XIRP2: variants seen among roughly 807,000 people sequenced by gnomAD.
The protein encoded by XIRP2 is xin actin binding repeat containing 2.
XIRP2 carries 236 observed loss-of-function variants against 277.0 expected under a neutral mutation model. That is an observed-to-expected ratio of 0.85 (90% CI 0.77 to 0.95). The LOEUF (loss-of-function observed/expected upper bound fraction) is 0.95. Among genes scored for constraint, XIRP2 ranks in the 40% least tolerant of loss-of-function variants. XIRP2 has a pLI of 0.00. For synonymous variants in XIRP2, 1,490 were observed against 1,416.5 expected (o/e 1.05, Z -1.17); for missense variants, 4,640 against 4,157.5 (o/e 1.12, Z -3.19).
intron 10 of XIRP2, among the ~76,000 whole-genome samples, chr2:167,256,297 C>A (rs920151647): frequency 1.3e-5 from 2 of 151,376 alleles, no homozygotes; most frequent in African/African-American, 4.8e-5. Context: ...CTCTCAAATT[C>A]TTTTCATATT....
At chr2:167,065,996 G>A (rs1689294103) in intron 2 of XIRP2, among the ~76,000 whole-genome samples, 1 of 151,772 alleles carries the variant, frequency 6.6e-6, no homozygotes, top group South Asian at 2.1e-4. Context: ...GATGAGTTTG[G>A]AAACCATGAA....
chr2:167,155,060 T>C (rs1692142952), intron 3 of XIRP2, among the ~76,000 whole-genome samples: 1 of 151,582 alleles, frequency 6.6e-6, no homozygotes. Context: ...AAGTTGAATC[T>C]CTGAATAGAC....
In XIRP2 at chr2:167,247,393, A is replaced by G. The variant is rs759506225; in HGVS notation, c.6001A>G (p.Met2001Val). Residue 2001 changes from methionine to valine, a missense_variant, in exon 9 of 11, where the codon ATG becomes GTG. Transcript: ENST00000409195. ...QGGADTLSQT[M>V]GKSCHGNLVE... Reference sequence around the variant, plus strand: ...GGGAGCAGATACTCTCAGTCAAACTATGGGGAAATCTTGCCATGGCAATTT... The same window carrying G: ...GGGAGCAGATACTCTCAGTCAAACTGTGGGGAAATCTTGCCATGGCAATTT... 1.9e-6 allele frequency: 3 copies of G among 1,613,644 alleles called. No individual in the cohort carries two copies. Among genetic ancestry groups the G allele is most frequent in the Non-Finnish European group, 2.5e-6 (3 of 1,179,794 alleles).
intron 2 of XIRP2, among the ~76,000 whole-genome samples, chr2:167,009,476 G>T (rs1285913598): frequency 6.6e-6 from 1 of 151,704 alleles, no homozygotes; most frequent in Non-Finnish European, 1.5e-5. Flanking sequence ...GTCGGACATT[G>T]GGGTTGATTT....
intron 3 of XIRP2, among the ~76,000 whole-genome samples, chr2:167,170,894 C>CTTTTTT (rs773187641): frequency 7.4e-4 from 69 of 92,664 alleles, no homozygotes; most frequent in African/African-American, 9.1e-4. Flanking sequence ...TGCCTTTCTT[C>CTTTTTT]TTTTTTTTTT....
intron 2 of XIRP2, among the ~76,000 whole-genome samples, chr2:167,104,498 T>C (rs1252998852): frequency 6.6e-5 from 10 of 152,154 alleles, no homozygotes; most frequent in Non-Finnish European, 1.2e-4. Flanking sequence ...TTTAAATTTT[T>C]ATCTAAAATA....
intron 2 of XIRP2, among the ~76,000 whole-genome samples, chr2:166,908,709 G>A (rs1315227140): frequency 1.3e-5 from 2 of 152,144 alleles, no homozygotes; most frequent in African/African-American, 2.4e-5. Flanking sequence ...GTCCTGAATG[G>A]TATAGCCTAG....
intron 2 of XIRP2, among the ~76,000 whole-genome samples, chr2:166,930,637 A>C (rs1685310014): frequency 6.6e-6 from 1 of 152,164 alleles, no homozygotes; most frequent in Non-Finnish European, 1.5e-5. Flanking sequence ...ATATAAAAAA[A>C]TTTCCTGATT....
intron 3 of XIRP2, among the ~76,000 whole-genome samples, chr2:167,195,176 C>G (rs1205263237): frequency 1.3e-5 from 2 of 152,196 alleles, no homozygotes; most frequent in African/African-American, 2.4e-5. Flanking sequence ...TAGAAAGCTA[C>G]TAAGTACCCC....
At chr2:167,257,120 C>T (rs1424935398) in intron 10 of XIRP2, among the ~76,000 whole-genome samples, 2 of 151,922 alleles carry the variant, frequency 1.3e-5, no homozygotes, top group Non-Finnish European at 1.5e-5. Context: ...TTTGTGGTCT[C>T]ATATTTTCAG....
chr2:167,243,852 C>G lies in XIRP2; in HGVS notation c.2460C>G (p.Ile820Met), dbSNP rs777211607. 1.9e-6 allele frequency: 3 copies of G among 1,613,696 alleles called. No individual in the cohort carries two copies. The highest frequency in any genetic ancestry group is 2.2e-5 in the South Asian group (2 of 91,036). ...TTGAAACCCAACCTTTGGAGAAAAT[C>G]AAAGAGTCAGAAGAGGTCATCATTG... ...WLFETQPLEK[I>M]KESEEVIIEK... The change falls in exon 9 of 11, where the codon ATC (isoleucine) becomes ATG (methionine). Residue 820 changes from isoleucine to methionine, a missense_variant. By Grantham distance (10) the Ile-to-Met change is conservative. Transcript: ENST00000409195.
intron 2 of XIRP2, among the ~76,000 whole-genome samples, chr2:167,105,676 A>G (rs1272734400): frequency 6.6e-6 from 1 of 151,920 alleles, no homozygotes; most frequent in South Asian, 2.1e-4. Flanking sequence ...ATGAATGTCC[A>G]AAAGTGCAGT....
At chr2:167,016,325 T>C (rs1687827349) in intron 2 of XIRP2, among the ~76,000 whole-genome samples, 1 of 151,976 alleles carries the variant, frequency 6.6e-6, no homozygotes, top group Non-Finnish European at 1.5e-5. Context: ...GTCCTAAAGC[T>C]AATTCACCAA....
intron 3 of XIRP2, among the ~76,000 whole-genome samples, chr2:167,141,384 G>GA (rs1187184907): frequency 1.3e-5 from 2 of 151,970 alleles, no homozygotes; most frequent in Non-Finnish European, 2.9e-5. Flanking sequence ...AAAAGAAAAA[G>GA]AAAAAATCCT....
At position 166,917,057 on chromosome 2, in the gene XIRP2, A is replaced by G. The variant is rs539807437; in HGVS notation, c.408+13167A>G. Among the ~76,000 whole-genome samples the G allele has an allele frequency of 3.9e-5, 6 of 152,258 alleles. No individual in the cohort carries two copies. In the South Asian group the frequency reaches 1.2e-3, roughly 32 times the overall value. ...TAACCCACTATATGTCCTTCAGAGA[A>G]AATATTTTATCTCAGTGGACTTCTG... On this transcript the variant is annotated intron_variant, in intron 2 of 10. Coordinates refer to ENST00000409195, the MANE Select transcript of XIRP2 (RefSeq NM_152381.6).
intron 5 of XIRP2, among the ~76,000 whole-genome samples, chr2:167,219,513 T>C (rs973222618): frequency 6.6e-6 from 1 of 152,224 alleles, no homozygotes; most frequent in Non-Finnish European, 1.5e-5. Flanking sequence ...ATGGGGCTTG[T>C]GGATCTGGGT....
intron 2 of XIRP2, among the ~76,000 whole-genome samples, chr2:167,130,475 TG>T (rs1464577073): frequency 6.6e-6 from 1 of 152,096 alleles, no homozygotes; most frequent in South Asian, 2.1e-4. Flanking sequence ...TTTCATTTTT[TG>T]GTCACCGCTG....
intron 2 of XIRP2, among the ~76,000 whole-genome samples, chr2:167,013,114 A>G (rs914961190): frequency 6.6e-6 from 1 of 151,416 alleles, no homozygotes; most frequent in African/African-American, 2.4e-5. Context: ...TAGCTCTGAT[A>G]TAGTTTGGTC....
At chr2:167,157,148 G>C (rs1172681761) in intron 3 of XIRP2, among the ~76,000 whole-genome samples, 1 of 150,044 alleles carries the variant, frequency 6.7e-6, no homozygotes, top group African/African-American at 2.5e-5. Context: ...ATTGTCAATA[G>C]ACACTCAACA....
Sources: gnomAD v4.1 joint callset for allele counts (sites outside exome capture counted in the v4.1 genomes callset) on GRCh38, gnomAD v4.1.1 for gene constraint, MANE v1.5 for transcripts, NCBI Gene and HGNC (gene_info 2026-07-23, HGNC 2026-07-21) for gene names.